Variants in GRM7 observed in about 807,000 individuals in gnomAD.
The protein encoded by GRM7 is metabotropic glutamate receptor 7.
GRM7 carries 35 observed loss-of-function variants against 84.5 expected under a neutral mutation model. That is an observed-to-expected ratio of 0.41 (90% confidence interval 0.32 to 0.55). The LOEUF is 0.55. Ranked by LOEUF, GRM7 falls within the 20% of genes least tolerant of loss-of-function variation. The pLI is 0.19. For missense variants in GRM7, 1,003 were observed against 1,194.6 expected (o/e 0.84, Z 2.36); for synonymous variants, 487 against 455.1 (o/e 1.07, Z -0.89).
At chr3:7,138,896 C>T (rs1303176149) in intron 1 of GRM7, among the ~76,000 whole-genome samples, 1 of 151,084 alleles carries the variant, frequency 6.6e-6, no homozygotes, top group Non-Finnish European at 1.5e-5. Context: ...CTTAGCTGCT[C>T]ATTAAGACCC....
chr3:7,349,128 CT>C (rs1693020984), intron 4 of GRM7, among the ~76,000 whole-genome samples: 1 of 152,106 alleles, frequency 6.6e-6, no homozygotes, highest in African/African-American at 2.4e-5. Flanking sequence ...AGCATGCAGT[CT>C]GACAGGCTCT....
chr3:7,298,854 A>G, intron 3 of GRM7, 29 bp downstream of exon 3: 1 of 1,591,362 alleles, frequency 6.3e-7, no homozygotes, highest in Non-Finnish European at 8.6e-7. Flanking sequence ...AATTGTTAAT[A>G]TGCATGTTGC....
intron 1 of GRM7, among the ~76,000 whole-genome samples, chr3:7,130,304 G>A (rs1367017662): frequency 6.6e-6 from 1 of 152,130 alleles, no homozygotes; most frequent in African/African-American, 2.4e-5. Context: ...AGCACTTTGG[G>A]AGACCGAGGT....
intron 4 of GRM7, among the ~76,000 whole-genome samples, chr3:7,331,507 T>C (rs1047393748): frequency 1.3e-5 from 2 of 152,202 alleles, no homozygotes; most frequent in Non-Finnish European, 2.9e-5. Flanking sequence ...GACACAAATA[T>C]TCCACTCTGA....
chr3:7,397,301 G>A (rs942489573), intron 4 of GRM7, among the ~76,000 whole-genome samples: 2 of 151,972 alleles, frequency 1.3e-5, no homozygotes, highest in Non-Finnish European at 2.9e-5. Context: ...ATGAATTTTT[G>A]CATCAATTTT....
At chr3:6,865,318 G>C (rs1321027531) in intron 1 of GRM7, among the ~76,000 whole-genome samples, 6 of 152,180 alleles carry the variant, frequency 3.9e-5, no homozygotes, top group Non-Finnish European at 2.9e-5. Context: ...GGTGACCAAT[G>C]GATAAATCTC....
intron 8 of GRM7, among the ~76,000 whole-genome samples, chr3:7,659,229 G>T (rs1156881891): frequency 6.6e-6 from 1 of 152,164 alleles, no homozygotes; most frequent in African/African-American, 2.4e-5. Context: ...CAGAATACTG[G>T]TTTACTCCTG....
chr3:7,415,923 C>T (rs191209445), intron 5 of GRM7, among the ~76,000 whole-genome samples: 23 of 152,176 alleles, frequency 1.5e-4, no homozygotes, highest in Admixed American at 8.5e-4. Flanking sequence ...GGGCATATAA[C>T]TAAGGAAGTT....
At position 7,298,774 on chromosome 3, in the gene GRM7, A is replaced by G. The variant is rs200127009; in HGVS notation, c.827A>G (p.Asp276Gly). ...GATAGAATTATCAAACAGCTCCTGG[A>G]CACCCCCAACTCCAGGGCCGTCGTG... ...DFDRIIKQLLDTPNSRAVVIF... is the reference protein window; with the variant it reads ...DFDRIIKQLLGTPNSRAVVIF... The change falls in exon 3 of 10, where the codon GAC becomes GGC. Residue 276 changes from aspartate (D) to glycine (G), a missense_variant. This residue lies in a region of GRM7 where 910 missense variants were observed against 1,126.0 expected (regional missense o/e 0.81). Coordinates refer to ENST00000357716, the MANE Select transcript of GRM7 (RefSeq NM_000844.4). 6.2e-7 allele frequency: 1 copy of G among 1,613,662 alleles called. No individual in the cohort carries two copies. Among genetic ancestry groups the G allele is most frequent in the African/African-American group, 1.3e-5 (1 of 74,914 alleles).
chr3:7,157,426 T>A (rs979648893), intron 2 of GRM7, among the ~76,000 whole-genome samples: 5 of 152,134 alleles, frequency 3.3e-5, no homozygotes, highest in African/African-American at 7.2e-5. Flanking sequence ...AAATTAATAG[T>A]GATATAAATT....
intron 7 of GRM7, among the ~76,000 whole-genome samples, chr3:7,493,402 T>A (rs571262429): frequency 1.3e-5 from 2 of 152,140 alleles, no homozygotes; most frequent in Non-Finnish European, 2.9e-5. Flanking sequence ...TGATCCTTTT[T>A]TTTTCTCATT....
At chr3:7,233,174 A>T (rs1189594130) in intron 2 of GRM7, among the ~76,000 whole-genome samples, 2 of 152,186 alleles carry the variant, frequency 1.3e-5, no homozygotes, top group Non-Finnish European at 2.9e-5. Flanking sequence ...GTCCTAGTTT[A>T]GAATTCTGGG....
chr3:7,078,712 G>T (rs1456210962), intron 1 of GRM7, among the ~76,000 whole-genome samples: 1 of 152,154 alleles, frequency 6.6e-6, no homozygotes, highest in African/African-American at 2.4e-5. Flanking sequence ...TAGGGTCATT[G>T]CAAATTGTTT....
chr3:7,310,049 C>T (rs1239028823), intron 4 of GRM7, among the ~76,000 whole-genome samples: 2 of 152,176 alleles, frequency 1.3e-5, no homozygotes, highest in African/African-American at 2.4e-5. Context: ...CTGCAGAGTA[C>T]TAATGGCCTA....
At chr3:7,344,938 C>A (rs1692822377) in intron 4 of GRM7, among the ~76,000 whole-genome samples, 1 of 152,108 alleles carries the variant, frequency 6.6e-6, no homozygotes. Context: ...GTTCCCTATA[C>A]AAATGTTAAA....
chr3:6,988,727 A>G (rs1694520627), intron 1 of GRM7, among the ~76,000 whole-genome samples: 2 of 152,246 alleles, frequency 1.3e-5, no homozygotes, highest in Non-Finnish European at 1.5e-5. Flanking sequence ...TCAGAAGAAC[A>G]TGTACTCTGA....
intron 7 of GRM7, among the ~76,000 whole-genome samples, chr3:7,554,182 C>T (rs990633635): frequency 6.6e-6 from 1 of 152,200 alleles, no homozygotes; most frequent in Middle Eastern, 3.2e-3. Flanking sequence ...AGAATATATA[C>T]AGTCCTTGAA....
intron 2 of GRM7, among the ~76,000 whole-genome samples, chr3:7,262,441 G>C (rs973674892): frequency 6.6e-6 from 1 of 152,042 alleles, no homozygotes; most frequent in African/African-American, 2.4e-5. Context: ...GTGTTTTTCA[G>C]CTCTATCAGG....
chr3:7,619,930 G>A lies in GRM7; in HGVS notation c.2451+40573G>A, dbSNP rs552680817. ...CAAAATACTTCTGCAGTCCAATGAC[G>A]TTTTTCTTAAAATTCTGCCTTTGCC... On this transcript the variant is annotated intron_variant, in intron 8 of 9. Coordinates refer to ENST00000357716, the MANE Select transcript of GRM7 (RefSeq NM_000844.4). Among the ~76,000 whole-genome samples the A allele has an allele frequency of 5.9e-5, 9 of 152,194 alleles. No homozygotes were observed. The East Asian group carries it at 1.2e-3, about 20-fold the overall frequency.
Sources: allele counts gnomAD v4.1 joint callset (sites outside exome capture counted in the v4.1 genomes callset), GRCh38; gene constraint gnomAD v4.1.1; regional missense constraint gnomAD v4.1.1; transcripts MANE v1.5; gene names NCBI Gene and HGNC (gene_info 2026-07-23, HGNC 2026-07-21).